The following RHOU variants were observed in gnomAD, a reference collection of about 807,000 sequenced individuals.
RHOU encodes ras homolog family member U.
In RHOU, 8 loss-of-function variants were observed where a neutral mutation model predicts 12.6. The ratio of observed to expected loss-of-function variants is 0.64; its 90% CI spans 0.37 to 1.15. The LOEUF is 1.15. Ranked by LOEUF, RHOU falls within the 50% of genes most tolerant of loss-of-function variation. The probability of loss-of-function intolerance (pLI) is 0.01; values close to 1 mark genes in which losing one functional copy is unlikely to be tolerated. For missense variants in RHOU, 258 were observed against 347.0 expected, an observed-to-expected ratio of 0.74 and a Z score of 2.04; for synonymous variants, 161 against 147.4, an observed-to-expected ratio of 1.09 and a Z score of -0.67.
the RHOU span, among the ~76,000 whole-genome samples, chr1:228,655,106 CTT>C: frequency 2.2e-4 from 30 of 136,928 alleles, no homozygotes; most frequent in Admixed American, 2.2e-4. Flanking sequence ...ATTAACCTTG[CTT>C]TTTTTTTTTT....
the RHOU span, among the ~76,000 whole-genome samples, chr1:228,727,094 T>C: frequency 6.6e-6 from 1 of 152,214 alleles, no homozygotes; most frequent in Admixed American, 6.5e-5. Context: ...ACTCTAAGCA[T>C]GTCTGTGTTG....
At chr1:228,646,818 G>C in the RHOU span, among the ~76,000 whole-genome samples, 1 of 151,774 alleles carries the variant, frequency 6.6e-6, no homozygotes, top group Non-Finnish European at 1.5e-5. Context: ...ACACACACAC[G>C]GTGAAACACA....
the RHOU span, among the ~76,000 whole-genome samples, chr1:228,712,851 A>G: frequency 1.9e-5 from 2 of 103,340 alleles, no homozygotes; most frequent in Non-Finnish European, 3.5e-5. Flanking sequence ...ATAAAATAAA[A>G]TAAAATAAAA....
the RHOU span, among the ~76,000 whole-genome samples, chr1:228,661,161 A>G: frequency 6.6e-6 from 1 of 152,158 alleles, no homozygotes; most frequent in Non-Finnish European, 1.5e-5. Flanking sequence ...GAGAACTACA[A>G]ACTACTGCTC....
upstream of RHOU, among the ~76,000 whole-genome samples, chr1:228,731,703 C>T (rs957871249): frequency 2.6e-5 from 4 of 151,212 alleles, no homozygotes; most frequent in East Asian, 1.9e-4. Context: ...ACCTGTAGTT[C>T]GAGGAGAAGA....
chr1:228,686,600 A>C, the RHOU span, among the ~76,000 whole-genome samples: 1 of 152,216 alleles, frequency 6.6e-6, no homozygotes, highest in East Asian at 1.9e-4. Context: ...GCCCTCTTTT[A>C]GTATTGGGTC....
chr1:228,704,748 G>A, the RHOU span, among the ~76,000 whole-genome samples: 1 of 151,860 alleles, frequency 6.6e-6, no homozygotes, highest in African/African-American at 2.4e-5. Context: ...GTCAGCCACT[G>A]TTTCTGGTCA....
At chr1:228,728,896 TTTC>T in the RHOU span, among the ~76,000 whole-genome samples, 1 of 142,468 alleles carries the variant, frequency 7.0e-6, no homozygotes, top group African/African-American at 2.8e-5. Flanking sequence ...TTTCTTTTCT[TTTC>T]TTTTTTTTTT....
At chr1:228,646,878 A>T in the RHOU span, among the ~76,000 whole-genome samples, 1 of 151,888 alleles carries the variant, frequency 6.6e-6, no homozygotes, top group African/African-American at 2.4e-5. Flanking sequence ...GGAGAGATAG[A>T]AACCGAGGGA....
chr1:228,696,643 G>A, the RHOU span, among the ~76,000 whole-genome samples: 3 of 152,074 alleles, frequency 2.0e-5, no homozygotes, highest in Non-Finnish European at 2.9e-5. Context: ...ACCTCTCAGG[G>A]CTCAAGCGTT....
rs1442853234 is a variant in RHOU, at chr1:228,736,022, C to T, written c.262+18C>T. 4 of 1,562,888 alleles carry T rather than the reference C, an allele frequency of 2.6e-6. No individual in the cohort carries two copies. The highest frequency in any genetic ancestry group is 1.4e-5 in the African/African-American group (1 of 71,164). On this transcript the variant is annotated intron_variant, in intron 1 of 2. Coordinates refer to ENST00000366691, the MANE Select transcript of RHOU (RefSeq NM_021205.6). ...CTTCTCCGGTGAGCTGGCCGGGGGG[C>T]CGGGGCCGGGGGCGCGTGGCCGCGG...
chr1:228,702,784 A>G, the RHOU span, among the ~76,000 whole-genome samples: 10 of 152,246 alleles, frequency 6.6e-5, no homozygotes, highest in Admixed American at 6.5e-4. Context: ...ACCAAATAGT[A>G]TCACATACAC....
intron 2 of RHOU, among the ~76,000 whole-genome samples, chr1:228,741,102 A>G (rs1662713421): frequency 6.6e-6 from 1 of 152,136 alleles, no homozygotes; most frequent in African/African-American, 2.4e-5. Context: ...CTGAAAAAAA[A>G]AAATCAAGTT....
the RHOU span, among the ~76,000 whole-genome samples, chr1:228,659,660 T>C: frequency 6.6e-6 from 1 of 151,362 alleles, no homozygotes; most frequent in Non-Finnish European, 1.5e-5. Flanking sequence ...AGAAATGGAA[T>C]TGGGGACATT....
the RHOU span, among the ~76,000 whole-genome samples, chr1:228,713,367 A>C: frequency 9.2e-5 from 14 of 152,210 alleles, no homozygotes; most frequent in Admixed American, 5.2e-4. Context: ...TATCTTGTGG[A>C]TAGCTGAATA....
chr1:228,647,400 T>A, the RHOU span, among the ~76,000 whole-genome samples: 1 of 152,102 alleles, frequency 6.6e-6, no homozygotes, highest in Non-Finnish European at 1.5e-5. Flanking sequence ...GTCTCTGGCG[T>A]GTCCTCGGTA....
rs139371861 is a variant in RHOU, at chr1:228,742,013, C to T, written c.322-1272C>T. On this transcript the variant is annotated intron_variant, in intron 2 of 2. Transcript: ENST00000366691. The stretch of plus-strand genomic sequence containing the variant: ...CTTTTATACCAAGAGAAAAAAGCCA[C>T]GGATGGAGTATAATGTGATGTAAAT... 3.0e-3 allele frequency among the ~76,000 whole-genome samples: 461 copies of T among 152,230 alleles called. 2 individuals are homozygous for T. Among genetic ancestry groups the T allele is most frequent in the African/African-American group, 9.2e-3 (383 of 41,540 alleles).
the RHOU span, among the ~76,000 whole-genome samples, chr1:228,671,431 A>C: frequency 1.2e-4 from 18 of 152,030 alleles, no homozygotes; most frequent in African/African-American, 4.3e-4. Flanking sequence ...AAAATATGAC[A>C]ATCGGCCGGG....
At chr1:228,740,139 A>C (rs1662691569) in intron 2 of RHOU, among the ~76,000 whole-genome samples, 1 of 152,252 alleles carries the variant, frequency 6.6e-6, no homozygotes, top group Admixed American at 6.5e-5. Flanking sequence ...GAAGAGTTAA[A>C]TTGTTCCTGT....
Sources: gnomAD v4.1 joint callset for allele counts (sites outside exome capture counted in the v4.1 genomes callset) on GRCh38, gnomAD v4.1.1 for gene constraint, MANE v1.5 for transcripts, NCBI Gene and HGNC (gene_info 2026-07-23, HGNC 2026-07-21) for gene names.